ZFYVE19: variants seen among roughly 807,000 people sequenced by gnomAD.
The protein encoded by ZFYVE19 is zinc finger FYVE-type containing 19, also known as abscission/NoCut checkpoint regulator.
ZFYVE19 carries 49 observed loss-of-function variants against 62.8 expected under a neutral mutation model. The observed-to-expected ratio is 0.78, with a 90% CI of 0.62 to 0.99. The LOEUF (loss-of-function observed/expected upper bound fraction) is 0.99. Among genes scored for constraint, ZFYVE19 ranks in the 50% least tolerant of loss-of-function variants. ZFYVE19 has a pLI of 0.00. For missense variants in ZFYVE19, 630 were observed against 601.9 expected, an observed-to-expected ratio of 1.05 and a Z score of -0.49; for synonymous variants, 242 against 234.3, an observed-to-expected ratio of 1.03 and a Z score of -0.30.
chr15:40,812,880 G>T lies in ZFYVE19; in HGVS notation c.1008G>T (p.Leu336=). Reference sequence around the variant, plus strand: ...CCCTGGCCAAGCGACTAGCCATGCTGCGGGGACAGGACCCCGAGAGAGGTG... The same window carrying T: ...CCCTGGCCAAGCGACTAGCCATGCTTCGGGGACAGGACCCCGAGAGAGGTG... ...ILALAKRLAM[L]RGQDPERVTL... Residue 336 remains leucine (L), a synonymous_variant, in exon 7 of 11, where the codon CTG becomes CTT. Coordinates refer to ENST00000355341, the MANE Select transcript of ZFYVE19 (RefSeq NM_001077268.2). 1 of 1,612,340 alleles carries T rather than the reference G, an allele frequency of 6.2e-7. No individual in the cohort carries two copies.
Position 40,807,875 on chromosome 15 carries a change from C to A in ZFYVE19, c.279+7C>A. 6.5e-7 allele frequency: 1 copy of A among 1,536,584 alleles called. No homozygotes were observed. ...CACCCTCTTCAAGAAGGAGGCGAGT[C>A]TTCCCTCCCCGAGGGCTGCAGGGCC... is the stretch of plus-strand genomic sequence containing the variant. On this transcript the variant is annotated splice_region_variant and intron_variant, in intron 1 of 10. Coordinates refer to ENST00000355341, the MANE Select transcript of ZFYVE19 (RefSeq NM_001077268.2).
chr15:40,811,681 G>A (rs1337141923), intron 6 of ZFYVE19, among the ~76,000 whole-genome samples: 1 of 152,132 alleles, frequency 6.6e-6, no homozygotes, highest in African/African-American at 2.4e-5. Context: ...TTTAAGACCT[G>A]CCTGGGCAAC....
At chr15:40,807,964 C>T (rs1890323237) in intron 1 of ZFYVE19, 96 bp downstream of exon 1, 3 of 1,434,938 alleles carry the variant, frequency 2.1e-6, no homozygotes, top group Non-Finnish European at 2.9e-6. Context: ...CGGCTCCTTT[C>T]CAGCTGTGTG....
At position 40,809,477 on chromosome 15, in the gene ZFYVE19, AAG is replaced by A. The variant is rs1259848635; in HGVS notation, c.452+21_452+22del. 1 of 1,613,814 alleles carries A rather than the reference AAG, an allele frequency of 6.2e-7. No homozygotes were observed. Among genetic ancestry groups the A allele is most frequent in the Admixed American group, 1.7e-5 (1 of 60,016 alleles). On this transcript the variant is annotated intron_variant, in intron 3 of 10. Transcript: ENST00000355341. ...ATAAGAAGTAAGTGCTGAAGAGAAA[AAG>A]ACAAAGAGCATTGGGGAAAGGATAA...
intron 5 of ZFYVE19, 48 bp downstream of exon 5, chr15:40,810,264 C>G (rs745386818): frequency 6.2e-7 from 1 of 1,603,562 alleles, no homozygotes; most frequent in East Asian, 2.2e-5. Context: ...GCGGGAGGAC[C>G]CAGCAGAAGC....
At chr15:40,813,306 C>G in intron 7 of ZFYVE19, 32 bp from the exon 8 acceptor site, 1 of 1,603,918 alleles carries the variant, frequency 6.2e-7, no homozygotes, top group Non-Finnish European at 8.5e-7. Flanking sequence ...TCTCACTCCC[C>G]CATCCCCTGT....
intron 1 of ZFYVE19, chr15:40,808,542 G>T: frequency 1.8e-6 from 2 of 1,087,782 alleles, no homozygotes; most frequent in Non-Finnish European, 2.5e-6. Context: ...TTGAGGCGGT[G>T]ACCTTGGTTT....
chr15:40,814,168 A>C lies in ZFYVE19; in HGVS notation c.1358A>C (p.Glu453Ala), dbSNP rs1890596920. The change falls in exon 11 of 11, where the codon GAG becomes GCG. Residue 453 changes from glutamate to alanine, a missense_variant. Transcript: ENST00000355341. ...CACAGAGAGGGCCATGATGCCTTTG[A>C]GCTTAAAGAGCACCAGACATCTGCC... ...RCFREGHDAF[E>A]LKEHQTSAYS... 1.9e-6 allele frequency: 3 copies of C among 1,613,926 alleles called. No homozygotes were observed. In the South Asian group the frequency reaches 3.3e-5, roughly 18 times the overall value.
intron 4 of ZFYVE19, 45 bp downstream of exon 4, chr15:40,810,015 C>T: frequency 6.2e-7 from 1 of 1,613,922 alleles, no homozygotes; most frequent in Non-Finnish European, 8.5e-7. Context: ...CAGTCCAGGG[C>T]TTCTGGGACT....
At position 40,807,770 on chromosome 15, in the gene ZFYVE19, C is replaced by T; in HGVS notation, c.181C>T (p.Arg61Trp). Residue 61 changes from arginine to tryptophan, a missense_variant, in exon 1 of 11, where the codon CGG becomes TGG. Physicochemically the swap from Arg to Trp is moderately radical, Grantham distance 101. Transcript: ENST00000355341. ...GGGTCCAAGGGGCCCAGGACTTGGC[C>T]GGCGTGATCTCAGCTCTGCAGACCC... ...GEGPRGPGLG[R>W]RDLSSADPAV... The T allele has an allele frequency of 6.3e-7, 1 of 1,583,220 alleles. No homozygotes were observed. Among genetic ancestry groups the T allele is most frequent in the Non-Finnish European group, 8.6e-7 (1 of 1,169,016 alleles).
intron 6 of ZFYVE19, among the ~76,000 whole-genome samples, chr15:40,811,706 T>C (rs945582005): frequency 6.6e-6 from 1 of 152,066 alleles, no homozygotes; most frequent in African/African-American, 2.4e-5. Flanking sequence ...CAAGACTCTG[T>C]TTAAAAAAAA....
Position 40,809,423 on chromosome 15 carries a change from T to A in ZFYVE19, c.417T>A (p.Asn139Lys). 6.2e-7 allele frequency: 1 copy of A among 1,614,152 alleles called. No individual in the cohort carries two copies. The highest frequency in any genetic ancestry group is 8.5e-7 in the Non-Finnish European group (1 of 1,180,016). ...HEVLTRGSSA[N>K]ASKWSPPQNY... is the part of the protein sequence containing the mutation. ...TTCTCTGTAGAGGGTCTTCTGCCAA[T>A]GCCTCCAAGTGGTCACCACCTCAGA... is the stretch of plus-strand genomic sequence containing the variant. Residue 139 changes from asparagine (N) to lysine (K), a missense_variant, in exon 3 of 11, where the codon AAT becomes AAA. Physicochemically the swap from Asn to Lys is moderately conservative, Grantham distance 94. Transcript: ENST00000355341.
chr15:40,808,434 G>A, intron 1 of ZFYVE19: 1 of 1,582,892 alleles, frequency 6.3e-7, no homozygotes, highest in East Asian at 2.3e-5. Context: ...ATGGGAACTA[G>A]ATGGAGTAAA....
chr15:40,807,823 T>G lies in ZFYVE19; in HGVS notation c.234T>G (p.Ser78Arg), dbSNP rs746384489. ...DPAVLGATMESRCYGCAVKFT... is the reference protein window; with the variant it reads ...DPAVLGATMERRCYGCAVKFT... Reference sequence around the variant, plus strand: ...CGGTGCTGGGAGCCACCATGGAGAGTAGGTGCTACGGCTGCGCTGTCAAGT... The same window carrying G: ...CGGTGCTGGGAGCCACCATGGAGAGGAGGTGCTACGGCTGCGCTGTCAAGT... Residue 78 changes from serine (S) to arginine (R), a missense_variant, in exon 1 of 11, where the codon AGT becomes AGG. Coordinates refer to ENST00000355341, the MANE Select transcript of ZFYVE19 (RefSeq NM_001077268.2). The G allele has an allele frequency of 6.5e-7, 1 of 1,540,186 alleles. No homozygotes were observed. The highest frequency in any genetic ancestry group is 8.7e-7 in the Non-Finnish European group (1 of 1,150,386).
chr15:40,810,310 G>A, intron 5 of ZFYVE19, 94 bp downstream of exon 5: 1 of 1,521,792 alleles, frequency 6.6e-7, no homozygotes, highest in African/African-American at 1.4e-5. Context: ...AAAAGTAATT[G>A]TGGTTTTTGT....
At chr15:40,807,899 C>A (rs1439602169) in intron 1 of ZFYVE19, 31 bp downstream of exon 1, 7 of 1,548,870 alleles carry the variant, frequency 4.5e-6, no homozygotes, top group Non-Finnish European at 6.1e-6. Context: ...GGCTGCAGGG[C>A]CAGGGAGGAG....
Position 40,807,307 on chromosome 15 carries a change from G to A in ZFYVE19, c.-283G>A, listed in dbSNP as rs749746103. 1.9e-5 allele frequency: 30 copies of A among 1,613,742 alleles called. No homozygotes were observed. The South Asian group carries it at 3.0e-4, about 16-fold the overall frequency. On this transcript the variant is annotated 5_prime_UTR_variant, in exon 1 of 11. Transcript: ENST00000355341. ...AGAGCGGATGCCAGCAGTGGCCGAG[G>A]CGCTAGGACAGGAAGGACCGCCAGA...
intron 6 of ZFYVE19, chr15:40,811,140 C>T (rs1890475878): frequency 4.0e-6 from 1 of 249,426 alleles, no homozygotes; most frequent in African/African-American, 2.2e-5. Context: ...ATAGTGAGTA[C>T]TCAGTGAATA....
Position 40,809,320 on chromosome 15 carries a change from C to T in ZFYVE19, c.401+80C>T, listed in dbSNP as rs190077795. ...CAGCCCTCACAGCTTTGTACTCTGT[C>T]GCGAGAGTCAGCCGAGGAAGTGTTT... On this transcript the variant is annotated intron_variant, in intron 2 of 10. Transcript: ENST00000355341. 2.3e-3 allele frequency: 3,776 copies of T among 1,613,306 alleles called. 5 individuals are homozygous for T. Among genetic ancestry groups the T allele is most frequent in the Non-Finnish European group, 3.0e-3 (3,566 of 1,179,694 alleles).
Sources: allele counts gnomAD v4.1 joint callset (sites outside exome capture counted in the v4.1 genomes callset), GRCh38; gene constraint gnomAD v4.1.1; transcripts MANE v1.5; gene names NCBI Gene and HGNC (gene_info 2026-07-23, HGNC 2026-07-21).